The following ARHGAP10 variants were observed in gnomAD, a reference collection of about 807,000 sequenced individuals.
ARHGAP10 encodes rho GTPase-activating protein 10.
In ARHGAP10, 87 loss-of-function variants were observed where a neutral mutation model predicts 108.6. The observed-to-expected ratio is 0.80, with a 90% CI of 0.67 to 0.96. The LOEUF is 0.96. ARHGAP10 is among the 40% of genes least tolerant of loss of function. The probability of loss-of-function intolerance (pLI) is 0.00; values close to 1 mark genes in which losing one functional copy is unlikely to be tolerated. For missense variants in ARHGAP10, 939 were observed against 954.5 expected (o/e 0.98, Z 0.21); for synonymous variants, 347 against 341.1 (o/e 1.02, Z -0.19).
At chr4:147,825,023 G>C (rs1732647500) in intron 3 of ARHGAP10, among the ~76,000 whole-genome samples, 1 of 152,180 alleles carries the variant, frequency 6.6e-6, no homozygotes, top group Non-Finnish European at 1.5e-5. Context: ...TATGTGTTAA[G>C]AAGCAGGCAC....
In ARHGAP10 at chr4:147,732,185, G is replaced by A. The variant is rs1728236960; in HGVS notation, c.-117G>A. On this transcript the variant is annotated 5_prime_UTR_variant, in exon 1 of 23. Coordinates refer to ENST00000336498, the MANE Select transcript of ARHGAP10 (RefSeq NM_024605.4). ...CCGTGCCGCGCTCGCCGCGCGCCCG[G>A]GCCTGCTAGCTCCTCTGTGCTCCCT... 1.9e-6 allele frequency: 2 copies of A among 1,076,694 alleles called. No individual in the cohort carries two copies. Among genetic ancestry groups the A allele is most frequent in the African/African-American group, 1.7e-5 (1 of 59,306 alleles). The allele number at this position is 1,076,694 out of a possible 1,614,324, so 66.7% of individuals were successfully genotyped here.
intron 3 of ARHGAP10, among the ~76,000 whole-genome samples, chr4:147,839,126 ATCTATCTATCTATCTATCTG>A (rs1344899069): frequency 5.4e-5 from 8 of 148,606 alleles, no homozygotes; most frequent in African/African-American, 7.5e-5. Flanking sequence ...CTATCTATCT[ATCTATCTATCTATCTATCTG>A]TCTGTCTGTC....
intron 18 of ARHGAP10, among the ~76,000 whole-genome samples, chr4:147,970,260 C>T (rs1739355656): frequency 6.6e-6 from 1 of 152,074 alleles, no homozygotes; most frequent in Non-Finnish European, 1.5e-5. Flanking sequence ...GGCAGCTGAC[C>T]TAAGTATACC....
At chr4:148,053,608 G>A (rs761168573) in intron 20 of ARHGAP10, among the ~76,000 whole-genome samples, 4 of 152,088 alleles carry the variant, frequency 2.6e-5, no homozygotes, top group African/African-American at 4.8e-5. Flanking sequence ...CTTCAGAAAC[G>A]CTCTGGAAGT....
At chr4:147,879,148 A>G (rs13147854) in intron 8 of ARHGAP10, 84 bp from the exon 9 acceptor site, 1,074,480 of 1,092,540 alleles carry the variant, frequency 0.98, 529,412 homozygotes, top group Non-Finnish European at 1. Flanking sequence ...CGTTTTAGAC[A>G]TTTCCTCTTT....
At chr4:147,929,905 C>G (rs777233909) in intron 13 of ARHGAP10, among the ~76,000 whole-genome samples, 5 of 152,058 alleles carry the variant, frequency 3.3e-5, no homozygotes, top group Non-Finnish European at 5.9e-5. Context: ...CTTTACAGTG[C>G]TAGAGGGATA....
At chr4:147,951,195 T>C (rs1004499493) in intron 15 of ARHGAP10, among the ~76,000 whole-genome samples, 2 of 152,198 alleles carry the variant, frequency 1.3e-5, no homozygotes, top group African/African-American at 4.8e-5. Context: ...TTCATTTTTA[T>C]TGGAAAAGAA....
chr4:148,070,469 C>T (rs1256249968), intron 22 of ARHGAP10, among the ~76,000 whole-genome samples: 1 of 152,198 alleles, frequency 6.6e-6, no homozygotes, highest in Non-Finnish European at 1.5e-5. Flanking sequence ...AAACAGTTAC[C>T]TTGTTGCAAA....
intron 19 of ARHGAP10, among the ~76,000 whole-genome samples, chr4:148,029,690 G>A (rs1384886080): frequency 6.6e-6 from 1 of 152,118 alleles, no homozygotes; most frequent in Non-Finnish European, 1.5e-5. Context: ...GGCATTTCAT[G>A]GGTGGGCTCT....
At chr4:148,024,325 A>G (rs898424797) in intron 19 of ARHGAP10, among the ~76,000 whole-genome samples, 1 of 152,176 alleles carries the variant, frequency 6.6e-6, no homozygotes, top group African/African-American at 2.4e-5. Context: ...TTCATTTATT[A>G]TCCTTGAGCT....
At chr4:148,046,844 T>C in intron 19 of ARHGAP10, 48 bp from the exon 20 acceptor site, 1 of 1,562,890 alleles carries the variant, frequency 6.4e-7, no homozygotes, top group Non-Finnish European at 8.7e-7. Flanking sequence ...GTGGAGTTTT[T>C]TCTTCTCCAG....
chr4:147,913,060 A>G lies in ARHGAP10; in HGVS notation c.1163-14A>G. The G allele has an allele frequency of 6.2e-7, 1 of 1,610,128 alleles. No individual in the cohort carries two copies. The highest frequency in any genetic ancestry group is 8.5e-7 in the Non-Finnish European group (1 of 1,176,612). On this transcript the variant is annotated splice_polypyrimidine_tract_variant and intron_variant, in intron 12 of 22. Transcript: ENST00000336498. ...AATAATTGTACACTTAATGTTTTAA[A>G]CTGTTTCTTGTAGATGCACAGTTGG...
intron 16 of ARHGAP10, among the ~76,000 whole-genome samples, chr4:147,960,934 T>C (rs1316873208): frequency 2.0e-5 from 3 of 152,234 alleles, no homozygotes. Flanking sequence ...GAAGCCACAA[T>C]AGATTTATCT....
In ARHGAP10 at chr4:147,993,387, T is replaced by C. The variant is rs80026408; in HGVS notation, c.1716+26548T>C. Among the ~76,000 whole-genome samples, 753 of 152,350 alleles carry C rather than the reference T, an allele frequency of 4.9e-3. 6 individuals are homozygous for C. Among genetic ancestry groups the C allele is most frequent in the Non-Finnish European group, 8.4e-3 (572 of 68,034 alleles). The stretch of plus-strand genomic sequence containing the variant: ...TAGGAGTTCATTATATTATTCTTTT[T>C]CCTTACATTTATGTCTGAAATTATT... On this transcript the variant is annotated intron_variant, in intron 18 of 22. Transcript: ENST00000336498.
chr4:147,804,154 T>TACCCTCC (rs1731688872), intron 1 of ARHGAP10, among the ~76,000 whole-genome samples: 1 of 152,120 alleles, frequency 6.6e-6, no homozygotes, highest in African/African-American at 2.4e-5. Flanking sequence ...ACCCTCCTCC[T>TACCCTCC]ACCCTCCACC....
intron 11 of ARHGAP10, among the ~76,000 whole-genome samples, chr4:147,908,528 A>G (rs1045685554): frequency 6.6e-6 from 1 of 152,210 alleles, no homozygotes; most frequent in African/African-American, 2.4e-5. Flanking sequence ...TCAGCTATGT[A>G]TTTATATGGG....
chr4:147,864,790 T>C lies in ARHGAP10; in HGVS notation c.487-56T>C, dbSNP rs1422196210. The C allele has an allele frequency of 3.3e-6, 5 of 1,504,614 alleles. No individual in the cohort carries two copies. In the African/African-American group the frequency reaches 4.2e-5, roughly 13 times the overall value. 93.2% of individuals were successfully genotyped at this position (1,504,614 alleles called of 1,614,324 possible). A position where few individuals can be genotyped will look rare whatever the true frequency, so the allele number is the denominator to read the frequency against. The stretch of plus-strand genomic sequence containing the variant: ...GACCACAGTGTGATGACCTCTGATG[T>C]AGCGTTTCACTTTTCACCATCTCCA... On this transcript the variant is annotated intron_variant, in intron 5 of 22. Transcript: ENST00000336498.
chr4:147,935,110 C>T (rs951776503), intron 13 of ARHGAP10, among the ~76,000 whole-genome samples: 5 of 152,008 alleles, frequency 3.3e-5, no homozygotes, highest in African/African-American at 7.3e-5. Flanking sequence ...TGAATGTAGC[C>T]GCAGAGGATG....
chr4:148,067,908 C>G (rs1729968917), intron 22 of ARHGAP10, among the ~76,000 whole-genome samples: 4 of 152,124 alleles, frequency 2.6e-5, no homozygotes, highest in Admixed American at 2.6e-4. Context: ...AGTTCCAGTT[C>G]TAGGCGGAAG....
Sources: allele counts gnomAD v4.1 joint callset (sites outside exome capture counted in the v4.1 genomes callset), GRCh38; gene constraint gnomAD v4.1.1; transcripts MANE v1.5; gene names NCBI Gene and HGNC (gene_info 2026-07-23, HGNC 2026-07-21).